The following ZNF469 variants were observed in gnomAD, a reference collection of about 807,000 sequenced individuals.
ZNF469 encodes the protein zinc finger protein 469.
Under a neutral mutation model 1.0 loss-of-function variants are expected in ZNF469, and 1 was observed. The observed-to-expected ratio is 1.00, with a 90% CI of 0.35 to 4.73. ZNF469 has a LOEUF of 4.73. ZNF469 is among the 30% of genes most tolerant of loss of function. The pLI is 0.16. For synonymous variants in ZNF469, 2,703 were observed against 2,363.4 expected (o/e 1.14, Z -4.17); for missense variants, 6,100 against 5,356.3 (o/e 1.14, Z -4.33).
chr16:88,380,817 GACAC>G (rs372021228), upstream of ZNF469, among the ~76,000 whole-genome samples: 192 of 72,310 alleles, frequency 2.7e-3, no homozygotes, highest in Non-Finnish European at 4.5e-3. Context: ...CACACACCCA[GACAC>G]ACACACACAC....
At chr16:88,115,587 C>G in the ZNF469 span, among the ~76,000 whole-genome samples, 6 of 150,820 alleles carry the variant, frequency 4.0e-5, no homozygotes, top group Non-Finnish European at 8.9e-5. Flanking sequence ...GTGCCAGGGC[C>G]CTGTGTGTTC....
At chr16:88,172,014 G>A in the ZNF469 span, among the ~76,000 whole-genome samples, 39 of 152,202 alleles carry the variant, frequency 2.6e-4, no homozygotes, top group Admixed American at 7.2e-4. Context: ...TGTGATCCCT[G>A]CGAGAAAGGA....
chr16:88,421,617 G>T (rs1905460532), intron 1 of ZNF469, among the ~76,000 whole-genome samples: 1 of 152,232 alleles, frequency 6.6e-6, no homozygotes, highest in African/African-American at 2.4e-5. Context: ...GAAAGGGGAT[G>T]GGATGGCCAA....
the ZNF469 span, among the ~76,000 whole-genome samples, chr16:88,238,066 G>A: frequency 6.6e-6 from 1 of 152,204 alleles, no homozygotes. Flanking sequence ...ATTCACCTAT[G>A]AAGGTATCTT....
the ZNF469 span, among the ~76,000 whole-genome samples, chr16:88,325,450 G>T: frequency 1.3e-5 from 2 of 152,252 alleles, no homozygotes; most frequent in Non-Finnish European, 2.9e-5. Flanking sequence ...CGGGGCAGCC[G>T]CTGAGTACCC....
chr16:88,153,042 T>C, the ZNF469 span, among the ~76,000 whole-genome samples: 5 of 152,004 alleles, frequency 3.3e-5, no homozygotes, highest in South Asian at 1.0e-3. Flanking sequence ...GTATGGGGGG[T>C]GGCGCGAGGG....
chr16:88,209,540 C>T, the ZNF469 span, among the ~76,000 whole-genome samples: 7 of 152,292 alleles, frequency 4.6e-5, no homozygotes, highest in African/African-American at 1.4e-4. Flanking sequence ...ATCCTCCCAC[C>T]TCGGCCTCCC....
In ZNF469 at chr16:88,434,356, G is replaced by A. The variant is rs1310991832; in HGVS notation, c.6886G>A (p.Glu2296Lys). ...CCTGTCCAGCACTCCCACCGGAGAT[G>A]AGGCACAGGCAGGCAGGGGACTCCC... Reference protein sequence around the residue: ...TGLSSTPTGDEAQAGRGLPGP... With the variant: ...TGLSSTPTGDKAQAGRGLPGP... The change falls in exon 3 of 3, where the codon GAG becomes AAG. Residue 2296 changes from glutamate to lysine, a missense_variant. Physicochemically the swap from Glu to Lys is moderately conservative, Grantham distance 56 (BLOSUM62 1). Transcript: ENST00000565624. 1 of 1,550,186 alleles carries A rather than the reference G, an allele frequency of 6.5e-7. No homozygotes were observed. Among genetic ancestry groups the A allele is most frequent in the Non-Finnish European group, 8.7e-7 (1 of 1,146,964 alleles).
Position 88,430,881 on chromosome 16 carries a change from AC to A in ZNF469, c.3415del (p.Arg1139GlyfsTer125). ...QGPREDEPQK[P>X]RKAARQEAGG... ...GTCCCAGAGAGGATGAGCCACAGAAACCCCGGAAGGCGGCGAGGCAGGAAGC... is the reference window on the plus strand; with the variant it reads ...GTCCCAGAGAGGATGAGCCACAGAAACCCGGAAGGCGGCGAGGCAGGAAGC... On this transcript the variant is annotated frameshift_variant, in exon 3 of 3. Coordinates refer to ENST00000565624, the MANE Select transcript of ZNF469 (RefSeq NM_001367624.2). LOFTEE classifies it low-confidence loss of function (END_TRUNC). 1 of 1,536,620 alleles carries A rather than the reference AC, an allele frequency of 6.5e-7. No homozygotes were observed. Among genetic ancestry groups the A allele is most frequent in the Non-Finnish European group, 8.7e-7 (1 of 1,145,836 alleles).
At chr16:88,313,233 A>G in the ZNF469 span, among the ~76,000 whole-genome samples, 1 of 152,058 alleles carries the variant, frequency 6.6e-6, no homozygotes, top group Non-Finnish European at 1.5e-5. Context: ...TTTTCTATCT[A>G]ATTATATATG....
In ZNF469 at chr16:88,429,942, C is replaced by G. The variant is rs1906016059; in HGVS notation, c.2472C>G (p.Pro824=). The G allele has an allele frequency of 6.5e-7, 1 of 1,550,186 alleles. No homozygotes were observed. Among genetic ancestry groups the G allele is most frequent in the Non-Finnish European group, 8.7e-7 (1 of 1,146,942 alleles). The part of the protein sequence containing the change: ...TGFLPSLAAT[P]FPLPASDLDM... Reference sequence around the variant, plus strand: ...TCCTGCCCAGCCTGGCCGCCACCCCCTTCCCGCTCCCTGCCTCGGACCTGG... The same window carrying G: ...TCCTGCCCAGCCTGGCCGCCACCCCGTTCCCGCTCCCTGCCTCGGACCTGG... The change falls in exon 3 of 3, where the codon CCC becomes CCG. Residue 824 remains proline (P), a synonymous_variant. Transcript: ENST00000565624.
At chr16:88,183,930 G>C in the ZNF469 span, among the ~76,000 whole-genome samples, 2 of 152,060 alleles carry the variant, frequency 1.3e-5, no homozygotes, top group Non-Finnish European at 2.9e-5. Context: ...CCTGTAGGGA[G>C]TGGGGAGAGC....
In ZNF469 at chr16:88,438,539, G is replaced by C; in HGVS notation, c.11069G>C (p.Ser3690Thr). 6.5e-7 allele frequency: 1 copy of C among 1,550,138 alleles called. No individual in the cohort carries two copies. The highest frequency in any genetic ancestry group is 2.0e-5 in the Admixed American group (1 of 51,010). The change falls in exon 3 of 3, where the codon AGC (serine) becomes ACC (threonine). Residue 3690 changes from serine to threonine, a missense_variant. Ser to Thr is a moderately conservative substitution (Grantham distance 58, BLOSUM62 1). Coordinates refer to ENST00000565624, the MANE Select transcript of ZNF469 (RefSeq NM_001367624.2). ...SKDRSAASTP[S>T]KALKFPVHPR... ...GACAGGTCGGCAGCATCCACCCCCA[G>C]CAAAGCACTCAAGTTCCCAGTGCAC...
the ZNF469 span, among the ~76,000 whole-genome samples, chr16:88,115,500 A>AC: frequency 6.6e-6 from 1 of 151,380 alleles, no homozygotes; most frequent in Admixed American, 6.6e-5. Flanking sequence ...TCCTGAGTTG[A>AC]CCCTGGTTTA....
the ZNF469 span, among the ~76,000 whole-genome samples, chr16:88,229,271 G>A: frequency 1.3e-5 from 2 of 152,236 alleles, no homozygotes; most frequent in Non-Finnish European, 2.9e-5. Flanking sequence ...CATGGCATTT[G>A]TGCTGGCTCC....
chr16:88,225,805 T>C, the ZNF469 span, among the ~76,000 whole-genome samples: 2 of 152,196 alleles, frequency 1.3e-5, no homozygotes, highest in African/African-American at 4.8e-5. Flanking sequence ...AGCATCTCCA[T>C]CCTGGGCTTC....
At chr16:88,289,805 T>A in the ZNF469 span, among the ~76,000 whole-genome samples, 3 of 152,086 alleles carry the variant, frequency 2.0e-5, no homozygotes, top group African/African-American at 7.2e-5. Context: ...ATGGTAGGAT[T>A]TATGGACCAG....
chr16:88,265,050 G>A, the ZNF469 span, among the ~76,000 whole-genome samples: 2 of 151,944 alleles, frequency 1.3e-5, no homozygotes, highest in African/African-American at 4.8e-5. Flanking sequence ...TTCAAGGGAC[G>A]GGGGCAGGGC....
the ZNF469 span, among the ~76,000 whole-genome samples, chr16:88,281,516 C>T: frequency 2.1e-5 from 3 of 144,496 alleles, no homozygotes; most frequent in South Asian, 2.2e-4. Context: ...GCCATGCTGA[C>T]GCTTGGTCAG....
Sources: gnomAD v4.1 joint callset for allele counts (sites outside exome capture counted in the v4.1 genomes callset) on GRCh38, gnomAD v4.1.1 for gene constraint, MANE v1.5 for transcripts, NCBI Gene and HGNC (gene_info 2026-07-23, HGNC 2026-07-21) for gene names.